The following CSRNP3 variants were observed in gnomAD, a reference collection of about 807,000 sequenced individuals.
CSRNP3 encodes the protein cysteine and serine rich nuclear protein 3, also known as cysteine/serine-rich nuclear protein 3.
In CSRNP3, 12 loss-of-function variants were observed where a neutral mutation model predicts 48.0. The ratio of observed to expected loss-of-function variants is 0.25; its 90% CI spans 0.16 to 0.41. The LOEUF is 0.41. Ranked by LOEUF, CSRNP3 falls within the 10% of genes least tolerant of loss-of-function variation. The probability of loss-of-function intolerance (pLI) is 1.00; values close to 1 mark genes in which losing one functional copy is unlikely to be tolerated. For missense variants in CSRNP3, 580 were observed against 724.4 expected (o/e 0.80, Z 2.29); for synonymous variants, 263 against 269.7 (o/e 0.98, Z 0.24).
intron 3 of CSRNP3, among the ~76,000 whole-genome samples, chr2:165,552,909 G>A (rs1685116410): frequency 6.6e-6 from 1 of 152,060 alleles, no homozygotes; most frequent in Non-Finnish European, 1.5e-5. Flanking sequence ...GGCAAGGCTG[G>A]TCTTGAATGC....
At chr2:165,607,595 A>G (rs916867464) in intron 4 of CSRNP3, among the ~76,000 whole-genome samples, 2 of 152,302 alleles carry the variant, frequency 1.3e-5, no homozygotes, top group African/African-American at 4.8e-5. Flanking sequence ...GTTCCACATA[A>G]CATTCTTCTC....
intron 3 of CSRNP3, among the ~76,000 whole-genome samples, chr2:165,589,142 A>G (rs1008998488): frequency 2.4e-4 from 37 of 152,172 alleles, no homozygotes; most frequent in Admixed American, 2.4e-3. Flanking sequence ...CTGGCTCTGT[A>G]TCTAGTCAGT....
intron 3 of CSRNP3, among the ~76,000 whole-genome samples, chr2:165,541,994 C>T (rs1304441399): frequency 6.6e-6 from 1 of 152,142 alleles, no homozygotes; most frequent in African/African-American, 2.4e-5. Flanking sequence ...GAAATTGAAA[C>T]TCTGTTCACC....
At chr2:165,587,393 A>G (rs1008921762) in intron 3 of CSRNP3, among the ~76,000 whole-genome samples, 1 of 152,230 alleles carries the variant, frequency 6.6e-6, no homozygotes, top group Non-Finnish European at 1.5e-5. Context: ...TTGAAATGCA[A>G]TTGAGTCTCT....
intron 4 of CSRNP3, 106 bp downstream of exon 4, chr2:165,595,319 C>G (rs1324949357): frequency 9.3e-6 from 10 of 1,073,796 alleles, no homozygotes; most frequent in Non-Finnish European, 1.3e-5. Flanking sequence ...ATTTTCCCAT[C>G]AACCAAATAC....
At chr2:165,481,430 GAC>G (rs35311596) in intron 1 of CSRNP3, among the ~76,000 whole-genome samples, 105,424 of 151,628 alleles carry the variant, frequency 0.7, 37,670 homozygotes, top group African/African-American at 0.86. Flanking sequence ...GCTTTGACAA[GAC>G]ACAGGATCAC....
Position 165,540,610 on chromosome 2 carries a change from C to T in CSRNP3, c.-24+22649C>T, listed in dbSNP as rs369817041. On this transcript the variant is annotated intron_variant, in intron 3 of 6. Coordinates refer to ENST00000651982, the MANE Select transcript of CSRNP3 (RefSeq NM_001172173.2). ...AGCCCTGGAGACTCATGCAGACATTCCTTGTGTTCCACAACACACCACATT... is the reference window on the plus strand; with the variant it reads ...AGCCCTGGAGACTCATGCAGACATTTCTTGTGTTCCACAACACACCACATT... Among the ~76,000 whole-genome samples the T allele has an allele frequency of 2.6e-5, 4 of 152,190 alleles. No individual in the cohort carries two copies. In the South Asian group the frequency reaches 8.3e-4, roughly 32 times the overall value.
chr2:165,612,291 A>G (rs775154913), intron 4 of CSRNP3, among the ~76,000 whole-genome samples: 1 of 152,108 alleles, frequency 6.6e-6, no homozygotes, highest in African/African-American at 2.4e-5. Context: ...AAAGAGTACT[A>G]TATGACCTGC....
intron 3 of CSRNP3, among the ~76,000 whole-genome samples, chr2:165,566,391 T>G (rs1685298330): frequency 6.6e-6 from 1 of 151,682 alleles, no homozygotes; most frequent in Non-Finnish European, 1.5e-5. Flanking sequence ...AAGCCCACCA[T>G]GACTACCTTA....
At chr2:165,546,859 C>A (rs1354882883) in intron 3 of CSRNP3, among the ~76,000 whole-genome samples, 1 of 152,092 alleles carries the variant, frequency 6.6e-6, no homozygotes, top group Admixed American at 6.6e-5. Context: ...ATACTTTTTT[C>A]TAAAGATGGA....
chr2:165,509,711 A>G (rs1000807462), intron 2 of CSRNP3, among the ~76,000 whole-genome samples: 4 of 152,222 alleles, frequency 2.6e-5, no homozygotes, highest in Admixed American at 6.5e-5. Context: ...CTCTTACATA[A>G]CAATAGCACA....
At chr2:165,481,369 T>G (rs1021909794) in intron 1 of CSRNP3, among the ~76,000 whole-genome samples, 1 of 152,190 alleles carries the variant, frequency 6.6e-6, no homozygotes, top group South Asian at 2.1e-4. Context: ...CAAACCAGAC[T>G]GCTGGTGACT....
At chr2:165,577,828 T>C (rs1685477257) in intron 3 of CSRNP3, among the ~76,000 whole-genome samples, 1 of 151,968 alleles carries the variant, frequency 6.6e-6, no homozygotes, top group Admixed American at 6.6e-5. Context: ...TAAATCACTT[T>C]GACTTTCCTG....
chr2:165,497,250 G>GT (rs200307092), intron 2 of CSRNP3, among the ~76,000 whole-genome samples: 2,411 of 152,164 alleles, frequency 0.016, 61 homozygotes, highest in African/African-American at 0.054. Flanking sequence ...CAGCTGCAAA[G>GT]TTGATGAGTT....
At chr2:165,659,512 A>G (rs1573950938) in intron 5 of CSRNP3, among the ~76,000 whole-genome samples, 1 of 152,082 alleles carries the variant, frequency 6.6e-6, no homozygotes, top group Non-Finnish European at 1.5e-5. Context: ...ACTGAGTTTG[A>G]GGGGCTTTTG....
chr2:165,498,621 C>T (rs1482644232), intron 2 of CSRNP3, among the ~76,000 whole-genome samples: 1 of 152,038 alleles, frequency 6.6e-6, no homozygotes, highest in Non-Finnish European at 1.5e-5. Flanking sequence ...AACTCAAAAG[C>T]ACAATTGGAC....
At chr2:165,643,933 C>T (rs1686770214) in intron 4 of CSRNP3, among the ~76,000 whole-genome samples, 2 of 152,136 alleles carry the variant, frequency 1.3e-5, no homozygotes, top group South Asian at 4.1e-4. Context: ...AATTTAAGTA[C>T]TAAGAGGCAG....
intron 2 of CSRNP3, among the ~76,000 whole-genome samples, chr2:165,504,425 C>T (rs917096101): frequency 6.6e-6 from 1 of 152,024 alleles, no homozygotes; most frequent in Admixed American, 6.6e-5. Flanking sequence ...TAAGTCCACA[C>T]AGCTTATAAA....
At chr2:165,509,118 C>T (rs2105225386) in intron 2 of CSRNP3, among the ~76,000 whole-genome samples, 1 of 152,090 alleles carries the variant, frequency 6.6e-6, no homozygotes, top group South Asian at 2.1e-4. Context: ...AAGAGAAAGC[C>T]CCTCCCCTCA....
Sources: gnomAD v4.1 joint callset for allele counts (sites outside exome capture counted in the v4.1 genomes callset) on GRCh38, gnomAD v4.1.1 for gene constraint, MANE v1.5 for transcripts, NCBI Gene and HGNC (gene_info 2026-07-23, HGNC 2026-07-21) for gene names.